The following CNTN3 variants were observed in gnomAD, a reference collection of about 807,000 sequenced individuals.
CNTN3 encodes contactin-3.
A neutral mutation model predicts 119.1 loss-of-function variants in CNTN3; 60 were observed. The observed-to-expected ratio is 0.50, with a 90% CI of 0.41 to 0.62. The LOEUF is 0.62. CNTN3 is among the 20% of genes least tolerant of loss of function. CNTN3 has a pLI of 0.00. For missense variants in CNTN3, 1,101 were observed against 1,242.4 expected (o/e 0.89, Z 1.71); for synonymous variants, 450 against 438.7 (o/e 1.03, Z -0.32).
At chr3:74,567,271 G>T (rs1482684015) in intron 1 of CNTN3, among the ~76,000 whole-genome samples, 2 of 151,458 alleles carry the variant, frequency 1.3e-5, no homozygotes, top group African/African-American at 4.9e-5. Flanking sequence ...CTCCTGAGTG[G>T]CTGGGACTAC....
rs529131599 is a variant in CNTN3, at chr3:74,391,637, G to A, written c.455-20238C>T. Among the ~76,000 whole-genome samples, 4 of 141,440 alleles carry A rather than the reference G, an allele frequency of 2.8e-5. No homozygotes were observed. In the Admixed American group the frequency reaches 2.9e-4, roughly 10 times the overall value. 92.8% of individuals were successfully genotyped at this position (141,440 alleles called of 152,430 possible). ...GCTGGAGTGCAGCTGCATGTTCTTG[G>A]CTCACTATAACCTCCACCCCCGGGG... On this transcript the variant is annotated intron_variant, in intron 5 of 22. Coordinates refer to ENST00000263665, the MANE Select transcript of CNTN3 (RefSeq NM_020872.3).
chr3:74,451,488 T>A (rs1347675500), intron 4 of CNTN3, among the ~76,000 whole-genome samples: 1 of 152,166 alleles, frequency 6.6e-6, no homozygotes, highest in East Asian at 1.9e-4. Flanking sequence ...GATGGTAGTT[T>A]CTTTTGCCGT....
At chr3:74,385,812 T>C (rs1704732960) in intron 5 of CNTN3, among the ~76,000 whole-genome samples, 1 of 152,212 alleles carries the variant, frequency 6.6e-6, no homozygotes, top group East Asian at 1.9e-4. Flanking sequence ...TTAAAATGTG[T>C]GAGCAATACT....
chr3:74,494,791 G>T (rs9819119), intron 3 of CNTN3, among the ~76,000 whole-genome samples: 4,460 of 152,138 alleles, frequency 0.029, 195 homozygotes, highest in African/African-American at 0.1. Context: ...AAGAATGAAG[G>T]ACACACTTCA....
intron 4 of CNTN3, among the ~76,000 whole-genome samples, chr3:74,473,723 G>C (rs532020538): frequency 3.2e-4 from 48 of 152,300 alleles, no homozygotes; most frequent in Non-Finnish European, 6.0e-4. Context: ...TGAAAATACA[G>C]AGGGTAGAAA....
chr3:74,307,609 G>C (rs1485065403), intron 13 of CNTN3, among the ~76,000 whole-genome samples: 1 of 151,992 alleles, frequency 6.6e-6, no homozygotes, highest in Non-Finnish European at 1.5e-5. Context: ...ACTAAAGAAA[G>C]AAAACACTAC....
At chr3:74,501,195 A>G (rs899332387) in intron 2 of CNTN3, among the ~76,000 whole-genome samples, 5 of 151,806 alleles carry the variant, frequency 3.3e-5, no homozygotes, top group Non-Finnish European at 7.4e-5. Context: ...AACTGGCCAC[A>G]TCAGACAGAC....
intron 1 of CNTN3, among the ~76,000 whole-genome samples, chr3:74,600,807 C>T (rs894518855): frequency 2.0e-5 from 3 of 151,972 alleles, no homozygotes; most frequent in African/African-American, 7.2e-5. Context: ...TAAGAGCATG[C>T]CAGGCCAGAT....
intron 8 of CNTN3, among the ~76,000 whole-genome samples, chr3:74,366,157 T>C (rs1704179777): frequency 6.6e-6 from 1 of 152,064 alleles, no homozygotes; most frequent in African/African-American, 2.4e-5. Context: ...GAGAAACTGC[T>C]ACAGCCGAGG....
chr3:74,312,490 CCTCAGCAGCTA>C (rs1702715798), intron 13 of CNTN3, among the ~76,000 whole-genome samples: 1 of 148,026 alleles, frequency 6.8e-6, no homozygotes, highest in African/African-American at 2.5e-5. Flanking sequence ...AATGCTCTGC[CCTCAGCAGCTA>C]CAGCCTAATC....
At position 74,291,668 on chromosome 3, in the gene CNTN3, C is replaced by T. The variant is rs9845288; in HGVS notation, c.2517+3453G>A. ...TGCTGGGATTACAGGTGTGAGCCAC[C>T]GCGCCCAGCAGTGTTCATTTATTTT... On this transcript the variant is annotated intron_variant, in intron 19 of 22. Coordinates refer to ENST00000263665, the MANE Select transcript of CNTN3 (RefSeq NM_020872.3). Among the ~76,000 whole-genome samples the T allele has an allele frequency of 8.9e-3, 1,353 of 152,158 alleles. 28 individuals are homozygous for T. Among genetic ancestry groups the T allele is most frequent in the African/African-American group, 0.031 (1,292 of 41,502 alleles).
intron 4 of CNTN3, among the ~76,000 whole-genome samples, chr3:74,462,607 C>T (rs1440205014): frequency 6.6e-6 from 1 of 152,096 alleles, no homozygotes; most frequent in Non-Finnish European, 1.5e-5. Flanking sequence ...CGTAGCCCCA[C>T]TGTTCTTTAG....
At chr3:74,518,437 G>A (rs1255768308) in intron 2 of CNTN3, among the ~76,000 whole-genome samples, 1 of 151,868 alleles carries the variant, frequency 6.6e-6, no homozygotes, top group African/African-American at 2.4e-5. Flanking sequence ...CATTCCACCA[G>A]TATCAATGCT....
chr3:74,550,756 G>A (rs1703978272), intron 1 of CNTN3, among the ~76,000 whole-genome samples: 1 of 152,110 alleles, frequency 6.6e-6, no homozygotes, highest in African/African-American at 2.4e-5. Flanking sequence ...TGCCCAGGCT[G>A]GTCTTTAACT....
At chr3:74,600,233 G>T (rs528740654) in intron 1 of CNTN3, among the ~76,000 whole-genome samples, 1 of 151,970 alleles carries the variant, frequency 6.6e-6, no homozygotes, top group Admixed American at 6.6e-5. Context: ...GTTGAAAGAC[G>T]TCCTGAAAAG....
intron 5 of CNTN3, among the ~76,000 whole-genome samples, chr3:74,385,078 C>T (rs1050467535): frequency 2.0e-5 from 3 of 152,108 alleles, no homozygotes; most frequent in Admixed American, 6.5e-5. Flanking sequence ...TTCTGTCACT[C>T]GTAGACACTT....
intron 11 of CNTN3, among the ~76,000 whole-genome samples, chr3:74,343,218 G>T (rs1489712103): frequency 6.6e-6 from 1 of 152,186 alleles, no homozygotes; most frequent in Non-Finnish European, 1.5e-5. Flanking sequence ...TAGCCTTCCT[G>T]GCACAGGCAG....
At chr3:74,468,329 G>A (rs1044434288) in intron 4 of CNTN3, among the ~76,000 whole-genome samples, 4 of 152,164 alleles carry the variant, frequency 2.6e-5, no homozygotes, top group African/African-American at 9.7e-5. Context: ...ACAGAAAAGG[G>A]AAGGGAGCTA....
intron 1 of CNTN3, among the ~76,000 whole-genome samples, chr3:74,583,709 A>G (rs1704550911): frequency 6.6e-6 from 1 of 152,230 alleles, no homozygotes; most frequent in South Asian, 2.1e-4. Context: ...AGATTTGTGC[A>G]TTAGGTTGTG....
Sources: gnomAD v4.1 joint callset for allele counts (sites outside exome capture counted in the v4.1 genomes callset) on GRCh38, gnomAD v4.1.1 for gene constraint, MANE v1.5 for transcripts, NCBI Gene and HGNC (gene_info 2026-07-23, HGNC 2026-07-21) for gene names.